NAV3: variants seen among roughly 807,000 people sequenced by gnomAD.
NAV3 encodes neuron navigator 3, also known as pore membrane and/or filament interacting like protein 1.
NAV3 carries 87 observed loss-of-function variants against 244.7 expected under a neutral mutation model. The observed-to-expected ratio is 0.36, with a 90% CI of 0.30 to 0.42. The LOEUF (loss-of-function observed/expected upper bound fraction) is 0.42, where lower values mean the gene tolerates loss of function less well. NAV3 is among the 20% of genes least tolerant of loss of function. NAV3 has a pLI of 1.00. For synonymous variants in NAV3, 1,126 were observed against 1,042.2 expected (o/e 1.08, Z -1.55); for missense variants, 2,663 against 2,893.3 (o/e 0.92, Z 1.83).
chr12:77,728,645 G>A (rs935111452), intron 2 of NAV3, among the ~76,000 whole-genome samples: 1 of 151,922 alleles, frequency 6.6e-6, no homozygotes, highest in African/African-American at 2.4e-5. Context: ...GAGAAGTACA[G>A]TAGACAGAGT....
chr12:78,151,052 G>C (rs1030688803), intron 22 of NAV3, among the ~76,000 whole-genome samples: 1 of 145,960 alleles, frequency 6.9e-6, no homozygotes, highest in South Asian at 2.2e-4. Flanking sequence ...TTCCCTAGGG[G>C]AACAATCATT....
intron 2 of NAV3, among the ~76,000 whole-genome samples, chr12:77,606,169 C>T (rs537996545): frequency 2.0e-5 from 3 of 152,192 alleles, no homozygotes; most frequent in Non-Finnish European, 2.9e-5. Flanking sequence ...AAGTCTTTAT[C>T]GTGACACACA....
In NAV3 at chr12:77,794,030, A is replaced by G. The variant is rs141657000; in HGVS notation, c.73-146289A>G. On this transcript the variant is annotated intron_variant, in intron 2 of 8. Coordinates refer to the NAV3 transcript ENST00000550042. ...TGATCACCTTTCCAACTGGCATGAGATGGATCTCATTGTGGTTTTGATTTG... is the reference window on the plus strand; with the variant it reads ...TGATCACCTTTCCAACTGGCATGAGGTGGATCTCATTGTGGTTTTGATTTG... Among the ~76,000 whole-genome samples the G allele has an allele frequency of 5.5e-3, 841 of 152,188 alleles. 8 individuals carry two copies. Among genetic ancestry groups the G allele is most frequent in the African/African-American group, 0.018 (754 of 41,520 alleles).
At chr12:78,135,799 C>A (rs1956348428) in intron 18 of NAV3, among the ~76,000 whole-genome samples, 1 of 151,942 alleles carries the variant, frequency 6.6e-6, no homozygotes, top group East Asian at 1.9e-4. Flanking sequence ...ATAGGCAGAT[C>A]CTCTCCCTCT....
At chr12:78,022,176 T>C (rs1030724160) in intron 9 of NAV3, among the ~76,000 whole-genome samples, 3 of 152,174 alleles carry the variant, frequency 2.0e-5, no homozygotes, top group Non-Finnish European at 4.4e-5. Context: ...ATTGGCCATG[T>C]ATATTCTCCA....
At chr12:77,998,269 C>T in intron 6 of NAV3, 68 bp from the exon 7 acceptor site, 2 of 1,219,736 alleles carry the variant, frequency 1.6e-6, no homozygotes, top group East Asian at 2.7e-5. Flanking sequence ...TTCTGACTTT[C>T]AGCACCTCCT....
chr12:77,818,409 A>G (rs886674878), intron 2 of NAV3, among the ~76,000 whole-genome samples: 3 of 152,148 alleles, frequency 2.0e-5, no homozygotes, highest in African/African-American at 7.2e-5. Context: ...TTAGTAAGAA[A>G]CAGGGAAATT....
chr12:77,841,325 T>C (rs1001442973), intron 1 of NAV3, among the ~76,000 whole-genome samples: 2 of 152,226 alleles, frequency 1.3e-5, no homozygotes, highest in African/African-American at 4.8e-5. Context: ...TGCTGTATTT[T>C]GATATTGTAA....
chr12:77,956,270 T>A (rs1386698977), intron 3 of NAV3, among the ~76,000 whole-genome samples: 2 of 152,194 alleles, frequency 1.3e-5, no homozygotes, highest in African/African-American at 2.4e-5. Context: ...GGCGCTAGTA[T>A]TACATGTTTA....
intron 12 of NAV3, among the ~76,000 whole-genome samples, chr12:78,087,303 A>G (rs991904537): frequency 2.0e-5 from 3 of 152,076 alleles, no homozygotes; most frequent in Admixed American, 1.3e-4. Context: ...ATCTAATTCT[A>G]GAAAACAAAC....
chr12:77,913,140 T>C (rs1192798560), intron 1 of NAV3, among the ~76,000 whole-genome samples: 1 of 152,066 alleles, frequency 6.6e-6, no homozygotes, highest in Non-Finnish European at 1.5e-5. Flanking sequence ...ATGGTCTATA[T>C]GGTTTTGTGT....
chr12:78,152,745 C>T (rs1205534357), intron 22 of NAV3, among the ~76,000 whole-genome samples: 2 of 151,874 alleles, frequency 1.3e-5, no homozygotes, highest in African/African-American at 4.8e-5. Flanking sequence ...GGTAAAATTA[C>T]TTATTTATAG....
At chr12:77,931,268 T>C (rs1888759319) in intron 1 of NAV3, among the ~76,000 whole-genome samples, 3 of 152,160 alleles carry the variant, frequency 2.0e-5, no homozygotes, top group African/African-American at 7.2e-5. Context: ...ACAAAACTTC[T>C]ACTTAATCCC....
At chr12:77,807,764 AAG>A (rs1483365013) in intron 2 of NAV3, among the ~76,000 whole-genome samples, 3 of 152,138 alleles carry the variant, frequency 2.0e-5, no homozygotes, top group Non-Finnish European at 4.4e-5. Context: ...TAATATCCTG[AAG>A]AGTTTCCAAA....
At chr12:78,089,031 A>T (rs536804438) in intron 12 of NAV3, among the ~76,000 whole-genome samples, 15 of 152,324 alleles carry the variant, frequency 9.8e-5, no homozygotes, top group Admixed American at 4.6e-4. Context: ...AAGGGATTCT[A>T]TTCTCCACAT....
intron 2 of NAV3, among the ~76,000 whole-genome samples, chr12:77,678,976 CTT>C (rs927685188): frequency 3.9e-5 from 6 of 152,094 alleles, no homozygotes; most frequent in Admixed American, 3.9e-4. Flanking sequence ...ATTCCATTAT[CTT>C]TTAAGTAACT....
At chr12:77,643,434 TA>T (rs1216258874) in intron 2 of NAV3, among the ~76,000 whole-genome samples, 1 of 151,678 alleles carries the variant, frequency 6.6e-6, no homozygotes, top group Non-Finnish European at 1.5e-5. Flanking sequence ...AATAAGAAGC[TA>T]AAAGTATATA....
intron 34 of NAV3, among the ~76,000 whole-genome samples, chr12:78,191,449 A>T (rs1434461429): frequency 6.6e-6 from 1 of 152,186 alleles, no homozygotes; most frequent in Non-Finnish European, 1.5e-5. Context: ...GCACATACAC[A>T]TACAACCACA....
intron 3 of NAV3, among the ~76,000 whole-genome samples, chr12:77,959,048 A>T (rs1489700764): frequency 7.9e-5 from 12 of 152,188 alleles, no homozygotes. Context: ...AAATAAGAAA[A>T]ATATAATGTA....
Sources: gnomAD v4.1 joint callset for allele counts (sites outside exome capture counted in the v4.1 genomes callset) on GRCh38, gnomAD v4.1.1 for gene constraint, MANE v1.5 for transcripts, NCBI Gene and HGNC (gene_info 2026-07-23, HGNC 2026-07-21) for gene names.